The following MED20 variants were observed in gnomAD, a reference collection of about 807,000 sequenced individuals.
The protein encoded by MED20 is mediator complex subunit 20.
A neutral mutation model predicts 19.7 loss-of-function variants in MED20; 19 were observed. The ratio of observed to expected loss-of-function variants is 0.96; its 90% confidence interval spans 0.67 to 1.42. The LOEUF (loss-of-function observed/expected upper bound fraction) is 1.42. MED20 is among the 40% of genes most tolerant of loss of function. The pLI is 0.00. For missense variants in MED20, 225 were observed against 273.0 expected, an observed-to-expected ratio of 0.82 and a Z score of 1.24; for synonymous variants, 105 against 104.8, an observed-to-expected ratio of 1.00 and a Z score of -0.01.
chr6:41,917,566 G>A, intron 1 of MED20: 2 of 339,032 alleles, frequency 5.9e-6, no homozygotes, highest in South Asian at 4.4e-5. Flanking sequence ...CACAGTCCCT[G>A]AGAGCCCCTC....
intron 1 of MED20, chr6:41,918,015 C>CAA (rs368085087): frequency 1.5e-4 from 35 of 233,264 alleles, no homozygotes; most frequent in South Asian, 3.7e-4. Context: ...TGGAACAAAA[C>CAA]AAAAAAAAAA....
At chr6:41,909,979 C>T (rs1256885175) in intron 2 of MED20, among the ~76,000 whole-genome samples, 1 of 152,110 alleles carries the variant, frequency 6.6e-6, no homozygotes, top group Non-Finnish European at 1.5e-5. Context: ...AGCTTAGCCT[C>T]CTCCCTCTTT....
Position 41,916,925 on chromosome 6 carries a change from G to A in MED20, c.29C>T (p.Pro10Leu). 6.2e-7 allele frequency: 1 copy of A among 1,613,994 alleles called. No individual in the cohort carries two copies. The highest frequency in any genetic ancestry group is 8.5e-7 in the Non-Finnish European group (1 of 1,179,962). MGVTCVSQM[P>L]VAEGKSVQQT... ...CTGAACACTCTTGCCCTCGGCCACA[G>A]GCATCTGGGACACACTGGAAAGGAG... Residue 10 changes from proline (P) to leucine (L), a missense_variant, in exon 2 of 4, where the codon CCT (proline) becomes CTT (leucine). Coordinates refer to ENST00000265350, the MANE Select transcript of MED20 (RefSeq NM_004275.5).
intron 1 of MED20, among the ~76,000 whole-genome samples, chr6:41,918,226 G>A (rs1052987046): frequency 7.2e-5 from 11 of 151,992 alleles, no homozygotes; most frequent in South Asian, 2.1e-4. Context: ...GGAAACTGCC[G>A]GGCATGGTGG....
At chr6:41,912,362 T>C (rs1487773538) in intron 2 of MED20, among the ~76,000 whole-genome samples, 1 of 146,612 alleles carries the variant, frequency 6.8e-6, no homozygotes, top group African/African-American at 2.5e-5. Context: ...CTTTTTTTTT[T>C]TTTTTTTTTT....
chr6:41,915,972 A>G (rs574919592), intron 2 of MED20, among the ~76,000 whole-genome samples: 1 of 152,170 alleles, frequency 6.6e-6, no homozygotes, highest in Admixed American at 6.5e-5. Context: ...TTTAGCCAGG[A>G]GTGGTGGCTC....
chr6:41,910,001 A>G (rs758129641), intron 2 of MED20, among the ~76,000 whole-genome samples: 1 of 152,100 alleles, frequency 6.6e-6, no homozygotes, highest in African/African-American at 2.4e-5. Context: ...AGATCTAGTA[A>G]ATGGTCCTAT....
chr6:41,921,070 C>T lies in MED20; in HGVS notation c.-52G>A. On this transcript the variant is annotated 5_prime_UTR_variant, in exon 1 of 4. Transcript: ENST00000265350. ...TCACACAGTAGAAACGCAGGGTTCC[C>T]TGTCCGCCCACAGAAACTCCTTCAG... 6.2e-7 allele frequency: 1 copy of T among 1,604,424 alleles called. No individual in the cohort carries two copies. Among genetic ancestry groups the T allele is most frequent in the Non-Finnish European group, 8.5e-7 (1 of 1,175,652 alleles).
chr6:41,917,627 C>T, intron 1 of MED20: 1 of 388,290 alleles, frequency 2.6e-6, no homozygotes. Flanking sequence ...CAATGAACTT[C>T]CTATCACAGG....
chr6:41,915,196 G>A (rs557210153), intron 2 of MED20, among the ~76,000 whole-genome samples: 1 of 152,288 alleles, frequency 6.6e-6, no homozygotes, highest in East Asian at 1.9e-4. Context: ...CACTTTGGGA[G>A]GCCTATGTTG....
chr6:41,920,864 C>G, intron 1 of MED20, 141 bp downstream of exon 1: 1 of 1,069,674 alleles, frequency 9.3e-7, no homozygotes, highest in Non-Finnish European at 1.3e-6. Flanking sequence ...GGGGAACCCG[C>G]AGCCCGGACG....
At chr6:41,913,482 T>C (rs1347665620) in intron 2 of MED20, among the ~76,000 whole-genome samples, 1 of 152,208 alleles carries the variant, frequency 6.6e-6, no homozygotes, top group Non-Finnish European at 1.5e-5. Flanking sequence ...ACCCAAATGC[T>C]TTTGTAATTA....
In MED20 at chr6:41,906,544, C is replaced by T. The variant is rs1029741070; in HGVS notation, c.*528G>A. 2 of 153,560 alleles carry T rather than the reference C, an allele frequency of 1.3e-5. No homozygotes were observed. Among genetic ancestry groups the T allele is most frequent in the African/African-American group, 4.8e-5 (2 of 41,454 alleles). The allele number at this position is 153,560 out of a possible 1,614,324, so 9.5% of individuals were successfully genotyped here. ...ACCCTAGGAAAGTCAATTCGCAAAT[C>T]ACTTCAGCAAACAGGTCAGAAAATA... On this transcript the variant is annotated 3_prime_UTR_variant, in exon 4 of 4. Coordinates refer to ENST00000265350, the MANE Select transcript of MED20 (RefSeq NM_004275.5).
At chr6:41,910,323 A>T (rs535251882) in intron 2 of MED20, among the ~76,000 whole-genome samples, 10 of 152,312 alleles carry the variant, frequency 6.6e-5, no homozygotes, top group African/African-American at 2.4e-4. Flanking sequence ...ATACACATTT[A>T]GTTAAGTAGA....
chr6:41,917,574 C>T (rs570924254), intron 1 of MED20: 2 of 345,108 alleles, frequency 5.8e-6, no homozygotes, highest in East Asian at 7.6e-5. Flanking sequence ...CTGAGAGCCC[C>T]TCTAAGAACT....
rs1411562814 is a variant in MED20 at position 41,906,886 on chromosome 6, T to C, written c.*186A>G. The C allele has an allele frequency of 1.4e-5, 8 of 589,054 alleles. No individual in the cohort carries two copies. The highest frequency in any genetic ancestry group is 7.6e-5 in the African/African-American group (4 of 52,440). 36.5% of individuals were successfully genotyped at this position (589,054 alleles called of 1,614,324 possible). On this transcript the variant is annotated 3_prime_UTR_variant, in exon 4 of 4. Coordinates refer to ENST00000265350, the MANE Select transcript of MED20 (RefSeq NM_004275.5). ...GAGTAAAACAGCTGATGGGGGGCTA[T>C]GTGTGAGAGTCAGGGGGTTGGGGAG...
At chr6:41,917,977 A>G (rs781701676) in intron 1 of MED20, 2 of 279,772 alleles carry the variant, frequency 7.1e-6, no homozygotes, top group Non-Finnish European at 1.6e-5. Flanking sequence ...GAGAGGCAAC[A>G]GTATTCACGA....
intron 3 of MED20, among the ~76,000 whole-genome samples, chr6:41,907,736 G>C (rs1775092737): frequency 6.6e-6 from 1 of 152,102 alleles, no homozygotes; most frequent in Non-Finnish European, 1.5e-5. Flanking sequence ...TACTCCCTAA[G>C]TAGAACCAAC....
intron 2 of MED20, among the ~76,000 whole-genome samples, chr6:41,910,623 C>T (rs1010797997): frequency 2.1e-5 from 3 of 145,608 alleles, no homozygotes; most frequent in African/African-American, 7.6e-5. Flanking sequence ...CAGAGCAATA[C>T]TCTATCTCCA....
Sources: allele counts gnomAD v4.1 joint callset (sites outside exome capture counted in the v4.1 genomes callset), GRCh38; gene constraint gnomAD v4.1.1; transcripts MANE v1.5; gene names NCBI Gene and HGNC (gene_info 2026-07-23, HGNC 2026-07-21).